VPS13B: variants seen among roughly 807,000 people sequenced by gnomAD.
VPS13B encodes the protein intermembrane lipid transfer protein VPS13B.
A neutral mutation model predicts 426.4 loss-of-function variants in VPS13B; 285 were observed. The ratio of observed to expected loss-of-function variants is 0.67; its 90% CI spans 0.61 to 0.74. The LOEUF is 0.74. VPS13B is among the 30% of genes least tolerant of loss of function. The pLI, the probability that VPS13B is intolerant of heterozygous loss-of-function variation, is 0.00. For synonymous variants in VPS13B, 1,676 were observed against 1,676.4 expected, an observed-to-expected ratio of 1.00 and a Z score of 0.01; for missense variants, 4,537 against 4,782.6, an observed-to-expected ratio of 0.95 and a Z score of 1.51.
intron 39 of VPS13B, among the ~76,000 whole-genome samples, chr8:99,739,145 G>A (rs1489393782): frequency 6.6e-6 from 1 of 152,242 alleles, no homozygotes; most frequent in Non-Finnish European, 1.5e-5. Context: ...CTTTTCCAAT[G>A]GTCTTAGCAA....
chr8:99,289,998 C>T (rs545144182), intron 19 of VPS13B, among the ~76,000 whole-genome samples: 2 of 152,082 alleles, frequency 1.3e-5, no homozygotes, highest in South Asian at 2.1e-4. Flanking sequence ...GTAAGACTGA[C>T]TCTTGTTGTC....
At chr8:99,309,733 C>T (rs1395630014) in intron 19 of VPS13B, among the ~76,000 whole-genome samples, 4 of 152,112 alleles carry the variant, frequency 2.6e-5, no homozygotes, top group Non-Finnish European at 4.4e-5. Flanking sequence ...TCATCCGTAG[C>T]TTGATGGGGG....
intron 36 of VPS13B, among the ~76,000 whole-genome samples, chr8:99,704,850 C>T (rs912721140): frequency 5.9e-5 from 9 of 152,074 alleles, no homozygotes; most frequent in Admixed American, 5.9e-4. Context: ...TTGGCATACC[C>T]CACAAGCGCA....
At chr8:99,255,786 G>C (rs1476673710) in intron 17 of VPS13B, among the ~76,000 whole-genome samples, 1 of 152,036 alleles carries the variant, frequency 6.6e-6, no homozygotes, top group East Asian at 1.9e-4. Context: ...TATTGCCGCA[G>C]GTTGGTAAAA....
chr8:99,028,527 C>T (rs1407169052), intron 2 of VPS13B, among the ~76,000 whole-genome samples: 1 of 105,882 alleles, frequency 9.4e-6, no homozygotes, highest in Non-Finnish European at 2.0e-5. Flanking sequence ...GGCTGACCCC[C>T]CCCCCCACCT....
At chr8:99,513,173 C>T (rs544709167) in intron 29 of VPS13B, among the ~76,000 whole-genome samples, 9 of 150,624 alleles carry the variant, frequency 6.0e-5, no homozygotes, top group Admixed American at 2.0e-4. Flanking sequence ...TATTGTTTTC[C>T]ACAAATACCT....
At chr8:99,392,859 A>G (rs767400201) in intron 21 of VPS13B, among the ~76,000 whole-genome samples, 2 of 152,080 alleles carry the variant, frequency 1.3e-5, no homozygotes, top group Admixed American at 6.6e-5. Context: ...GATTTTATCA[A>G]TTGACAAAAA....
chr8:99,404,111 G>GT (rs1815201734), intron 21 of VPS13B, among the ~76,000 whole-genome samples: 1 of 152,130 alleles, frequency 6.6e-6, no homozygotes, highest in South Asian at 2.1e-4. Context: ...CATTACAAAG[G>GT]TTTTTTCCCA....
At chr8:99,634,110 A>G (rs999905938) in intron 33 of VPS13B, among the ~76,000 whole-genome samples, 4 of 151,974 alleles carry the variant, frequency 2.6e-5, no homozygotes, top group African/African-American at 9.7e-5. Flanking sequence ...TCATATATGT[A>G]TAAAGGGACA....
intron 23 of VPS13B, among the ~76,000 whole-genome samples, chr8:99,459,443 C>T (rs1818714481): frequency 6.6e-6 from 1 of 152,100 alleles, no homozygotes; most frequent in Non-Finnish European, 1.5e-5. Flanking sequence ...CATCATTATG[C>T]AATTTCCTTG....
chr8:99,474,265 T>C (rs1819575334), intron 24 of VPS13B, among the ~76,000 whole-genome samples: 2 of 149,386 alleles, frequency 1.3e-5, no homozygotes. Flanking sequence ...CTCGGCTCAC[T>C]GCAACCTCCT....
chr8:99,777,867 T>C (rs1811818111), intron 41 of VPS13B, among the ~76,000 whole-genome samples: 1 of 152,188 alleles, frequency 6.6e-6, no homozygotes, highest in African/African-American at 2.4e-5. Context: ...TTCTAGGTGA[T>C]ACATTTTGAC....
intron 33 of VPS13B, among the ~76,000 whole-genome samples, chr8:99,618,721 A>T (rs1217550701): frequency 6.6e-6 from 1 of 152,160 alleles, no homozygotes; most frequent in Non-Finnish European, 1.5e-5. Flanking sequence ...TAAACCCTTC[A>T]TTCGCCTCTG....
chr8:99,073,594 C>G (rs539812900), intron 3 of VPS13B, among the ~76,000 whole-genome samples: 4 of 151,320 alleles, frequency 2.6e-5, no homozygotes, highest in African/African-American at 9.7e-5. Context: ...CTGAATTTAT[C>G]AGATTTAAGA....
intron 33 of VPS13B, among the ~76,000 whole-genome samples, chr8:99,623,235 G>A (rs1191132532): frequency 6.6e-6 from 1 of 152,102 alleles, no homozygotes; most frequent in Non-Finnish European, 1.5e-5. Context: ...CCTTTGCAAA[G>A]GTGCTTTCCC....
At chr8:99,679,085 C>G (rs929653120) in intron 35 of VPS13B, among the ~76,000 whole-genome samples, 1 of 152,278 alleles carries the variant, frequency 6.6e-6, no homozygotes, top group East Asian at 1.9e-4. Flanking sequence ...TCTCAGCTGC[C>G]ATTAGGTTAG....
chr8:99,027,453 C>T (rs1842199289), intron 2 of VPS13B, among the ~76,000 whole-genome samples: 1 of 151,974 alleles, frequency 6.6e-6, no homozygotes, highest in Non-Finnish European at 1.5e-5. Flanking sequence ...GTGAGATTGA[C>T]ACTTCTTCAT....
At chr8:99,358,122 T>A (rs1007214097) in intron 19 of VPS13B, among the ~76,000 whole-genome samples, 4 of 152,196 alleles carry the variant, frequency 2.6e-5, no homozygotes, top group African/African-American at 9.7e-5. Context: ...CCGCTGCTCC[T>A]CTGCGTCCAT....
intron 40 of VPS13B, among the ~76,000 whole-genome samples, chr8:99,771,965 G>A (rs1317138880): frequency 6.6e-6 from 1 of 152,202 alleles, no homozygotes; most frequent in Non-Finnish European, 1.5e-5. Flanking sequence ...TGAATGGAAG[G>A]AATACTTACA....
Sources: allele counts gnomAD v4.1 joint callset (sites outside exome capture counted in the v4.1 genomes callset), GRCh38; gene constraint gnomAD v4.1.1; transcripts MANE v1.5; gene names NCBI Gene and HGNC (gene_info 2026-07-23, HGNC 2026-07-21).